The following SMC5 variants were observed in gnomAD, a reference collection of about 807,000 sequenced individuals.
SMC5 encodes the protein structural maintenance of chromosomes 5.
A neutral mutation model predicts 148.3 loss-of-function variants in SMC5; 88 were observed. The observed-to-expected ratio is 0.59, with a 90% CI of 0.50 to 0.71. The LOEUF is 0.71. SMC5 is among the 30% of genes least tolerant of loss of function. The pLI is 0.00. For missense variants in SMC5, 1,142 were observed against 1,298.9 expected (o/e 0.88, Z 1.86); for synonymous variants, 421 against 432.8 (o/e 0.97, Z 0.34).
rs759367574 is a variant in SMC5 at position 70,344,190 on chromosome 9, A to T, written c.2444A>T (p.Lys815Ile). 2 of 1,561,222 alleles carry T rather than the reference A, an allele frequency of 1.3e-6. No homozygotes were observed. Among genetic ancestry groups the T allele is most frequent in the South Asian group, 2.5e-5 (2 of 81,534 alleles). ...LDENRQRLLQ[K>I]CKELMKRARQ... ...GAAAATAGACAGAGATTATTGCAGA[A>T]ATGCAAGGAACTTATGAAAAGAGCT... Residue 815 changes from lysine to isoleucine, a missense_variant, in exon 18 of 25, where the codon AAA (lysine) becomes ATA (isoleucine). Around this residue, in one of 5 missense-constraint regions of SMC5, gnomAD observed 743 missense variants for 835.7 expected, o/e 0.89. Transcript: ENST00000361138.
chr9:70,293,536 T>C (rs1022274533), intron 8 of SMC5, among the ~76,000 whole-genome samples: 1 of 152,132 alleles, frequency 6.6e-6, no homozygotes, highest in African/African-American at 2.4e-5. Context: ...AAGCATAGAT[T>C]ATTGATTTGA....
In SMC5 at chr9:70,267,966, AAATTG is replaced by A; in HGVS notation, c.377_380+1del. ...AGAGGATGTTCTAGAGGCATGGTTG[AAATTG>A]AATTGTAAGTGTTAAAAGTGCTAAA... On this transcript the variant is annotated frameshift_variant, in exon 3 of 25. Transcript: ENST00000361138. LOFTEE classifies it high-confidence loss of function. 2.5e-6 allele frequency: 4 copies of A among 1,612,790 alleles called. No homozygotes were observed. Among genetic ancestry groups the A allele is most frequent in the Non-Finnish European group, 2.5e-6 (3 of 1,179,632 alleles).
intron 3 of SMC5, among the ~76,000 whole-genome samples, chr9:70,270,254 C>T (rs2034408042): frequency 6.6e-6 from 1 of 152,180 alleles, no homozygotes; most frequent in African/African-American, 2.4e-5. Context: ...AAGGATACTA[C>T]AGAAGATGCA....
At chr9:70,315,010 G>A (rs570311906) in intron 12 of SMC5, among the ~76,000 whole-genome samples, 174 bp downstream of exon 12, 6 of 152,132 alleles carry the variant, frequency 3.9e-5, no homozygotes, top group South Asian at 2.1e-4. Flanking sequence ...AGTGTGATGC[G>A]ATGTGATGTT....
chr9:70,286,578 CTGT>C (rs770961360), intron 8 of SMC5, among the ~76,000 whole-genome samples: 6 of 152,074 alleles, frequency 3.9e-5, no homozygotes, highest in Admixed American at 1.3e-4. Context: ...GGGATTTATT[CTGT>C]TGTTGTTTAA....
intron 2 of SMC5, among the ~76,000 whole-genome samples, chr9:70,264,983 T>C (rs1034064698): frequency 6.6e-6 from 1 of 152,204 alleles, no homozygotes; most frequent in Non-Finnish European, 1.5e-5. Context: ...ACTGTACTTA[T>C]GTAAACATCT....
chr9:70,297,904 C>A, intron 8 of SMC5, 62 bp from the exon 9 acceptor site: 1 of 1,535,046 alleles, frequency 6.5e-7, no homozygotes, highest in Non-Finnish European at 8.7e-7. Flanking sequence ...TATATTACTA[C>A]AGAAGTCTTA....
chr9:70,347,996 C>G lies in SMC5; in HGVS notation c.2847C>G (p.Ser949=), dbSNP rs1420191993. ...AAAAATTCAGCAATTTTTTTAGTTCCATGCAGTGTGCTGGTGAAGTTGATC... is the reference window on the plus strand; with the variant it reads ...AAAAATTCAGCAATTTTTTTAGTTCGATGCAGTGTGCTGGTGAAGTTGATC... The part of the protein sequence containing the change: ...INEKFSNFFS[S]MQCAGEVDLH... The change falls in exon 22 of 25, where the codon TCC becomes TCG. Residue 949 remains serine (S), a synonymous_variant. Coordinates refer to ENST00000361138, the MANE Select transcript of SMC5 (RefSeq NM_015110.4). The G allele has an allele frequency of 6.2e-7, 1 of 1,606,112 alleles. No individual in the cohort carries two copies.
At chr9:70,315,423 C>G in intron 12 of SMC5, 23 bp from the exon 13 acceptor site, 1 of 1,491,174 alleles carries the variant, frequency 6.7e-7, no homozygotes, top group Non-Finnish European at 9.0e-7. Context: ...GAAGAAAAAT[C>G]TAATCAATAC....
intron 3 of SMC5, among the ~76,000 whole-genome samples, chr9:70,269,057 A>G (rs1012222771): frequency 6.6e-6 from 1 of 152,228 alleles, no homozygotes; most frequent in African/African-American, 2.4e-5. Context: ...TTTAAAGATT[A>G]TCTGATAGCC....
At chr9:70,284,778 A>G (rs2034852096) in intron 7 of SMC5, among the ~76,000 whole-genome samples, 1 of 152,202 alleles carries the variant, frequency 6.6e-6, no homozygotes, top group African/African-American at 2.4e-5. Context: ...AAAAGTAGTT[A>G]TTAGCACCCA....
At chr9:70,297,585 A>G (rs2035235892) in intron 8 of SMC5, among the ~76,000 whole-genome samples, 2 of 152,148 alleles carry the variant, frequency 1.3e-5, no homozygotes, top group African/African-American at 2.4e-5. Flanking sequence ...TATCATTTTT[A>G]TTATTTATGG....
chr9:70,302,819 G>A (rs761557517), intron 10 of SMC5, among the ~76,000 whole-genome samples: 1 of 152,182 alleles, frequency 6.6e-6, no homozygotes, highest in Non-Finnish European at 1.5e-5. Context: ...CCCTACTTGT[G>A]TGACTTCCTT....
chr9:70,288,472 A>G (rs887530088), intron 8 of SMC5, among the ~76,000 whole-genome samples: 1 of 152,006 alleles, frequency 6.6e-6, no homozygotes, highest in East Asian at 1.9e-4. Flanking sequence ...TTTGTTGACT[A>G]TTTAATAATT....
chr9:70,290,052 A>T (rs11142351), intron 8 of SMC5, among the ~76,000 whole-genome samples: 24,974 of 152,032 alleles, frequency 0.16, 2,675 homozygotes, highest in East Asian at 0.4. Context: ...TGAACCTGTA[A>T]GTATAATGCA....
At chr9:70,296,701 A>T (rs1167692607) in intron 8 of SMC5, among the ~76,000 whole-genome samples, 3 of 152,224 alleles carry the variant, frequency 2.0e-5, no homozygotes, top group Admixed American at 2.0e-4. Context: ...AAAGCTGGCT[A>T]AAACAGATTA....
intron 8 of SMC5, among the ~76,000 whole-genome samples, chr9:70,296,883 A>G (rs1195208749): frequency 6.6e-6 from 1 of 152,254 alleles, no homozygotes; most frequent in Non-Finnish European, 1.5e-5. Flanking sequence ...GGCAAGTTAC[A>G]TAGCTGGTTA....
At position 70,354,492 on chromosome 9, in the gene SMC5, T is replaced by C. The variant is rs1346184939; in HGVS notation, c.*2161T>C. 6.6e-6 allele frequency: 1 copy of C among 152,228 alleles called. No homozygotes were observed. The highest frequency in any genetic ancestry group is 1.5e-5 in the Non-Finnish European group (1 of 68,046). The allele number at this position is 152,228 out of a possible 1,614,324, so 9.4% of individuals were successfully genotyped here. ...CACCCGCCTCGGCCTCCCAAAGTGC[T>C]GGGATTATAGGCGTGAGCCCCTGCA... On this transcript the variant is annotated 3_prime_UTR_variant, in exon 25 of 25. Coordinates refer to ENST00000361138, the MANE Select transcript of SMC5 (RefSeq NM_015110.4).
rs763483217 is a variant in SMC5 at position 70,280,906 on chromosome 9, C to T, written c.819+7C>T. On this transcript the variant is annotated splice_region_variant and intron_variant, in intron 6 of 24. Transcript: ENST00000361138. The stretch of plus-strand genomic sequence containing the variant: ...AGCAAAAAGGCCATGGGTGGTAAGT[C>T]ATAATTTTTAGAGGCAAAGTACGTG... The T allele has an allele frequency of 1.2e-6, 2 of 1,613,130 alleles. No homozygotes were observed. The highest frequency in any genetic ancestry group is 1.7e-6 in the Non-Finnish European group (2 of 1,179,842).
Sources: gnomAD v4.1 joint callset for allele counts (sites outside exome capture counted in the v4.1 genomes callset) on GRCh38, gnomAD v4.1.1 for gene constraint, gnomAD v4.1.1 regional missense constraint, MANE v1.5 for transcripts, NCBI Gene and HGNC (gene_info 2026-07-23, HGNC 2026-07-21) for gene names.